The following CNTNAP2 variants were observed in gnomAD, a reference collection of about 807,000 sequenced individuals.
The protein encoded by CNTNAP2 is contactin associated protein 2.
Under a neutral mutation model 155.2 loss-of-function variants are expected in CNTNAP2, and 98 were observed. The observed-to-expected ratio is 0.63, with a 90% CI of 0.54 to 0.75. The LOEUF (loss-of-function observed/expected upper bound fraction) is 0.75. Among genes scored for constraint, CNTNAP2 ranks in the 30% least tolerant of loss-of-function variants. The pLI is 0.00. For synonymous variants in CNTNAP2, 651 were observed against 631.2 expected (o/e 1.03, Z -0.47); for missense variants, 1,727 against 1,688.1 (o/e 1.02, Z -0.40).
intron 1 of CNTNAP2, among the ~76,000 whole-genome samples, chr7:146,383,775 G>T: frequency 6.6e-6 from 1 of 152,178 alleles, no homozygotes; most frequent in South Asian, 2.1e-4. Context: ...TATATCATTT[G>T]GACAATAGTC....
chr7:147,589,189 A>T (rs1584835443), intron 12 of CNTNAP2, among the ~76,000 whole-genome samples: 1 of 152,216 alleles, frequency 6.6e-6, no homozygotes, highest in Non-Finnish European at 1.5e-5. Context: ...AAAAACAAAG[A>T]TCTAGAGAAC....
At chr7:147,882,422 T>C (rs901935120) in intron 13 of CNTNAP2, among the ~76,000 whole-genome samples, 4 of 152,208 alleles carry the variant, frequency 2.6e-5, no homozygotes, top group Non-Finnish European at 4.4e-5. Context: ...TGTCAAATAG[T>C]GGACATCTGA....
chr7:148,160,188 C>T (rs923988787), intron 17 of CNTNAP2, among the ~76,000 whole-genome samples: 1 of 152,040 alleles, frequency 6.6e-6, no homozygotes, highest in Non-Finnish European at 1.5e-5. Context: ...TGCAGTGAGC[C>T]GTAATTGTGT....
At chr7:147,063,020 A>G (rs1484826998) in intron 4 of CNTNAP2, among the ~76,000 whole-genome samples, 3 of 152,012 alleles carry the variant, frequency 2.0e-5, no homozygotes, top group Admixed American at 6.6e-5. Flanking sequence ...GAGCCAGAAA[A>G]TGTTTAGAGG....
At chr7:146,645,645 T>G (rs1799798705) in intron 1 of CNTNAP2, among the ~76,000 whole-genome samples, 1 of 152,180 alleles carries the variant, frequency 6.6e-6, no homozygotes, top group Non-Finnish European at 1.5e-5. Flanking sequence ...TTGACTGAGA[T>G]ATATTTATTC....
intron 1 of CNTNAP2, among the ~76,000 whole-genome samples, chr7:146,513,309 A>G (rs976880057): frequency 2.6e-5 from 4 of 151,996 alleles, no homozygotes; most frequent in African/African-American, 4.8e-5. Context: ...GTTACTTTTT[A>G]TAGGTAAGGA....
intron 14 of CNTNAP2, among the ~76,000 whole-genome samples, chr7:147,939,610 A>T (rs1193360800): frequency 6.6e-6 from 1 of 152,162 alleles, no homozygotes; most frequent in Admixed American, 6.5e-5. Flanking sequence ...TACAGGCGTG[A>T]GCCACCACGC....
chr7:148,149,030 AACATGTGT>A (rs71716081), intron 17 of CNTNAP2, among the ~76,000 whole-genome samples: 11,716 of 152,252 alleles, frequency 0.077, 536 homozygotes, highest in East Asian at 0.23. Flanking sequence ...TCACTTCATC[AACATGTGT>A]GGCCCAGATT....
intron 14 of CNTNAP2, among the ~76,000 whole-genome samples, chr7:147,949,700 C>T (rs1800892458): frequency 6.6e-6 from 1 of 152,110 alleles, no homozygotes; most frequent in African/African-American, 2.4e-5. Context: ...TCGTACCACT[C>T]TGCTGGGTCA....
intron 15 of CNTNAP2, among the ~76,000 whole-genome samples, chr7:148,062,852 C>G (rs944991661): frequency 6.6e-6 from 1 of 152,010 alleles, no homozygotes; most frequent in South Asian, 2.1e-4. Flanking sequence ...TAGGGAGGAT[C>G]AACATAGTCA....
At chr7:147,966,448 A>T (rs1018690230) in intron 14 of CNTNAP2, among the ~76,000 whole-genome samples, 2 of 152,150 alleles carry the variant, frequency 1.3e-5, no homozygotes, top group African/African-American at 4.8e-5. Flanking sequence ...AGTAAATTAG[A>T]TAAAGATTTG....
At chr7:147,115,595 C>G (rs1398727499) in intron 5 of CNTNAP2, among the ~76,000 whole-genome samples, 2 of 152,154 alleles carry the variant, frequency 1.3e-5, no homozygotes, top group East Asian at 1.9e-4. Context: ...ATTTCTTCCT[C>G]TGCTTGGTCT....
In CNTNAP2 at chr7:146,145,783, A is replaced by G. The variant is rs577057600; in HGVS notation, c.97+28810A>G. ...ATTTGTACCTCGCGTCTCTAGAAAAATTGTGTTTTAGTATATCAGCTTTTG... is the reference window on the plus strand; with the variant it reads ...ATTTGTACCTCGCGTCTCTAGAAAAGTTGTGTTTTAGTATATCAGCTTTTG... On this transcript the variant is annotated intron_variant, in intron 1 of 23. Transcript: ENST00000361727. Among the ~76,000 whole-genome samples the G allele has an allele frequency of 9.2e-5, 14 of 152,282 alleles. No individual in the cohort carries two copies. The South Asian group carries it at 1.7e-3, about 18-fold the overall frequency.
chr7:146,748,018 T>TA (rs58179329), intron 1 of CNTNAP2, among the ~76,000 whole-genome samples: 10,789 of 152,068 alleles, frequency 0.071, 1,178 homozygotes, highest in African/African-American at 0.24. Flanking sequence ...CTCCTTTTTT[T>TA]AAAAATTTTT....
intron 21 of CNTNAP2, among the ~76,000 whole-genome samples, chr7:148,338,556 G>A (rs921457391): frequency 6.0e-5 from 9 of 150,328 alleles, no homozygotes; most frequent in Non-Finnish European, 1.2e-4. Flanking sequence ...GGGCGTGGGG[G>A]GGTGAGGGGG....
intron 3 of CNTNAP2, among the ~76,000 whole-genome samples, chr7:146,925,629 A>G (rs980760076): frequency 2.0e-5 from 3 of 152,148 alleles, no homozygotes; most frequent in African/African-American, 7.2e-5. Context: ...TGTCCTTGCT[A>G]TGTAGTATGT....
chr7:148,340,999 C>A (rs1798219501), intron 21 of CNTNAP2, among the ~76,000 whole-genome samples: 1 of 152,202 alleles, frequency 6.6e-6, no homozygotes, highest in Non-Finnish European at 1.5e-5. Flanking sequence ...TTCTTCTGAA[C>A]GGGTCTGCAA....
At chr7:146,933,195 AG>A (rs1466983486) in intron 3 of CNTNAP2, among the ~76,000 whole-genome samples, 1 of 151,838 alleles carries the variant, frequency 6.6e-6, no homozygotes, top group Non-Finnish European at 1.5e-5. Flanking sequence ...GTATACTATA[AG>A]GCTACAGTAA....
chr7:146,832,395 A>G (rs1803530164), intron 2 of CNTNAP2, among the ~76,000 whole-genome samples: 2 of 151,240 alleles, frequency 1.3e-5, no homozygotes, highest in African/African-American at 4.8e-5. Context: ...AGAAACTTCC[A>G]ATTTATCCCC....
Sources: gnomAD v4.1 joint callset for allele counts (sites outside exome capture counted in the v4.1 genomes callset) on GRCh38, gnomAD v4.1.1 for gene constraint, MANE v1.5 for transcripts, NCBI Gene and HGNC (gene_info 2026-07-23, HGNC 2026-07-21) for gene names.